Variants in STAT2 observed in about 807,000 individuals in gnomAD.
STAT2 encodes signal transducer and activator of transcription 2, also known as interferon alpha induced transcriptional activator.
In STAT2, 51 loss-of-function variants were observed where a neutral mutation model predicts 122.3. The ratio of observed to expected loss-of-function variants is 0.42; its 90% CI spans 0.33 to 0.53. STAT2 has a LOEUF of 0.53. Ranked by LOEUF, STAT2 falls within the 20% of genes least tolerant of loss-of-function variation. STAT2 has a pLI of 0.10. For missense variants in STAT2, 736 were observed against 1,010.3 expected, an observed-to-expected ratio of 0.73 and a Z score of 3.68; for synonymous variants, 351 against 394.9, an observed-to-expected ratio of 0.89 and a Z score of 1.32.
At position 56,346,969 on chromosome 12, in the gene STAT2, A is replaced by T; in HGVS notation, c.1725-14T>A. The T allele has an allele frequency of 6.2e-7, 1 of 1,613,776 alleles. No homozygotes were observed. Among genetic ancestry groups the T allele is most frequent in the East Asian group, 2.2e-5 (1 of 44,868 alleles). Reference sequence around the variant, plus strand: ...CCCATGATGCGTCTGGAGCACAGAGAGCAGCTGTGAGACACCGCCCAACAC... The same window carrying T: ...CCCATGATGCGTCTGGAGCACAGAGTGCAGCTGTGAGACACCGCCCAACAC... On this transcript the variant is annotated splice_polypyrimidine_tract_variant and intron_variant, in intron 19 of 23. Coordinates refer to ENST00000314128, the MANE Select transcript of STAT2 (RefSeq NM_005419.4).
chr12:56,345,524 A>AAAAATATATATATATATAT (rs1555169410), intron 22 of STAT2, among the ~76,000 whole-genome samples: 1 of 26,250 alleles, frequency 3.8e-5, no homozygotes, highest in African/African-American at 5.3e-4. Context: ...AAAAAAAAAA[A>AAAAATATATATATATATAT]ATATATATAT....
At position 56,343,507 on chromosome 12, in the gene STAT2, T is replaced by C. The variant is rs1338259249; in HGVS notation, c.2438A>G (p.Glu813Gly). The C allele has an allele frequency of 6.2e-7, 1 of 1,614,134 alleles. No homozygotes were observed. Among genetic ancestry groups the C allele is most frequent in the East Asian group, 2.2e-5 (1 of 44,890 alleles). Reference protein sequence around the residue: ...MEIFRNCVKIEEIMPNGDPLL... With the variant: ...MEIFRNCVKIGEIMPNGDPLL... The stretch of plus-strand genomic sequence containing the variant: ...TGGGTCACCATTCGGCATGATTTCT[T>C]CAATCTTTACACAGTTTCTGAAGAC... The change falls in exon 24 of 24, where the codon GAA becomes GGA. Residue 813 changes from glutamate to glycine, a missense_variant. Transcript: ENST00000314128.
In STAT2 at chr12:56,349,038, G is replaced by A. The variant is rs750338004; in HGVS notation, c.1462C>T (p.Pro488Ser). The change falls in exon 17 of 24, where the codon CCC becomes TCC. Residue 488 changes from proline (P) to serine (S), a missense_variant. Coordinates refer to ENST00000314128, the MANE Select transcript of STAT2 (RefSeq NM_005419.4). ...NLQNQQFFSN[P>S]PKAPWSLLGP... The stretch of plus-strand genomic sequence containing the variant: ...AGCAAGCTCCAGGGGGCCTTGGGGG[G>A]GTTGGAGAAGAACTGCTGGTTCTGC... 6 of 1,613,522 alleles carry A rather than the reference G, an allele frequency of 3.7e-6. No homozygotes were observed. Among genetic ancestry groups the A allele is most frequent in the Middle Eastern group, 3.3e-4 (2 of 6,062 alleles).
intron 21 of STAT2, 111 bp downstream of exon 21, chr12:56,346,331 C>T: frequency 1.3e-6 from 2 of 1,556,218 alleles, no homozygotes; most frequent in Non-Finnish European, 1.8e-6. Context: ...TGGACGAATC[C>T]CTTAATTCCT....
chr12:56,352,596 A>G (rs1226603809), intron 8 of STAT2: 1 of 140,040 alleles, frequency 7.1e-6, no homozygotes, highest in Non-Finnish European at 1.5e-5. Context: ...CAATCAATCA[A>G]TCAATCAATC....
At chr12:56,346,326 G>A (rs1877453288) in intron 21 of STAT2, 116 bp downstream of exon 21, 106 of 1,552,786 alleles carry the variant, frequency 6.8e-5, no homozygotes, top group Non-Finnish European at 8.3e-5. Context: ...TCCCATGGAC[G>A]AATCCCTTAA....
chr12:56,343,563 G>A (rs1049348990), intron 23 of STAT2, 32 bp from the exon 24 acceptor site: 13 of 1,605,046 alleles, frequency 8.1e-6, no homozygotes, highest in East Asian at 2.2e-5. Flanking sequence ...GTGAGGCCCC[G>A]ATCTTAGTTA....
chr12:56,355,046 A>G, intron 6 of STAT2, 183 bp from the exon 7 acceptor site: 1 of 729,674 alleles, frequency 1.4e-6, no homozygotes, highest in Non-Finnish European at 2.3e-6. Flanking sequence ...CACCCCCTCA[A>G]ATAAAACACT....
At chr12:56,358,897 A>G (rs1383670440) in intron 1 of STAT2, among the ~76,000 whole-genome samples, 2 of 152,168 alleles carry the variant, frequency 1.3e-5, no homozygotes, top group Non-Finnish European at 2.9e-5. Flanking sequence ...CTCTGTCTCA[A>G]AAGAACAACA....
Position 56,344,004 on chromosome 12 carries a change from A to G in STAT2, c.2234T>C (p.Leu745Pro). The stretch of plus-strand genomic sequence containing the variant: ...AGACTCTAGCTCTGGCCCCAGATCC[A>G]GCCCTGCCTTCAGCAGTGGCTCTAA... Reference protein sequence around the residue: ...LDLEPLLKAGLDLGPELESVL... With the variant: ...LDLEPLLKAGPDLGPELESVL... The change falls in exon 23 of 24, where the codon CTG becomes CCG. Residue 745 changes from leucine to proline, a missense_variant. Coordinates refer to ENST00000314128, the MANE Select transcript of STAT2 (RefSeq NM_005419.4). 6.2e-7 allele frequency: 1 copy of G among 1,614,164 alleles called. No homozygotes were observed. Among genetic ancestry groups the G allele is most frequent in the Non-Finnish European group, 8.5e-7 (1 of 1,180,014 alleles).
intron 8 of STAT2, among the ~76,000 whole-genome samples, chr12:56,352,611 A>C (rs1878709615): frequency 1.3e-5 from 2 of 150,708 alleles, no homozygotes; most frequent in South Asian, 2.1e-4. Flanking sequence ...TCAATCAATC[A>C]ATGCATGCAT....
rs1432318383 is a variant in STAT2, at chr12:56,343,314, T to A, written c.*75A>T. 1.9e-6 allele frequency: 3 copies of A among 1,554,698 alleles called. No individual in the cohort carries two copies. The African/African-American group carries it at 4.1e-5, about 21-fold the overall frequency. On this transcript the variant is annotated 3_prime_UTR_variant, in exon 24 of 24. Transcript: ENST00000314128. The stretch of plus-strand genomic sequence containing the variant: ...GGAAGGGACACATGCCTGATTCCCA[T>A]CCTTGGAGAACAATATCATGCTATG...
intron 8 of STAT2, among the ~76,000 whole-genome samples, chr12:56,353,888 C>T (rs1366288020): frequency 3.4e-5 from 5 of 146,268 alleles, no homozygotes; most frequent in Non-Finnish European, 7.5e-5. Flanking sequence ...CCCAGCAACT[C>T]GGGAGGCTGA....
rs1368229795 is a variant in STAT2, at chr12:56,356,473, C to T, written c.99G>A (p.Gln33=). The T allele has an allele frequency of 6.2e-7, 1 of 1,614,168 alleles. No homozygotes were observed. The highest frequency in any genetic ancestry group is 2.2e-5 in the East Asian group (1 of 44,886). The stretch of plus-strand genomic sequence containing the variant: ...GGTCTTCAATCCAGACAGCCAAGTA[C>T]TGTCGAATGTCCACAGGCAGGAGGC... ...SHSLLPVDIR[Q]YLAVWIEDQN... is the part of the protein sequence containing the mutation. The change falls in exon 2 of 24, where the codon CAG becomes CAA. Residue 33 remains glutamine (Q), a synonymous_variant. Transcript: ENST00000314128.
intron 6 of STAT2, 32 bp from the exon 7 acceptor site, chr12:56,354,895 GTTC>G (rs1879272944): frequency 6.3e-7 from 1 of 1,599,986 alleles, no homozygotes; most frequent in South Asian, 1.1e-5. Context: ...CAGTCCAGGG[GTTC>G]TTTCCTCTCC....
chr12:56,345,524 A>AAATATATATATATATATATATATATATAT (rs1555169410), intron 22 of STAT2, among the ~76,000 whole-genome samples: 3 of 26,242 alleles, frequency 1.1e-4, no homozygotes, highest in Non-Finnish European at 1.6e-4. Flanking sequence ...AAAAAAAAAA[A>AAATATATATATATATATATATATATATAT]ATATATATAT....
chr12:56,350,494 T>G, intron 11 of STAT2, 62 bp from the exon 12 acceptor site: 1 of 1,497,622 alleles, frequency 6.7e-7, no homozygotes. Flanking sequence ...AGGAGTTTCG[T>G]CTTTGGGATC....
chr12:56,358,242 CT>C (rs1197874842), intron 1 of STAT2, among the ~76,000 whole-genome samples: 706 of 132,576 alleles, frequency 5.3e-3, no homozygotes, highest in Admixed American at 7.0e-3. Flanking sequence ...TTTTTTTTTT[CT>C]TTTTTTTTTT....
Position 56,346,948 on chromosome 12 carries a change from T to C in STAT2, c.1732A>G (p.Met578Val). The change falls in exon 20 of 24, where the codon ATG becomes GTG. Residue 578 changes from methionine (M) to valine (V), a missense_variant. Met to Val is a conservative substitution (Grantham distance 21). Transcript: ENST00000314128. ...TCCTGGCTCCGACTCACAAAGCCCA[T>C]GATGCGTCTGGAGCACAGAGAGCAG... ...LKDLWNDGRI[M>V]GFVSRSQERR... 1.2e-6 allele frequency: 2 copies of C among 1,614,164 alleles called. No individual in the cohort carries two copies. The highest frequency in any genetic ancestry group is 2.2e-5 in the South Asian group (2 of 91,092).
Sources: gnomAD v4.1 joint callset for allele counts (sites outside exome capture counted in the v4.1 genomes callset) on GRCh38, gnomAD v4.1.1 for gene constraint, MANE v1.5 for transcripts, NCBI Gene and HGNC (gene_info 2026-07-23, HGNC 2026-07-21) for gene names.